Variants in MCM5 observed in about 807,000 individuals in gnomAD.
MCM5 encodes DNA replication licensing factor MCM5.
MCM5 carries 46 observed loss-of-function variants against 79.9 expected under a neutral mutation model. The observed-to-expected ratio is 0.58, with a 90% confidence interval of 0.45 to 0.74. The LOEUF is 0.74. Among genes scored for constraint, MCM5 ranks in the 30% least tolerant of loss-of-function variants. MCM5 has a pLI of 0.00. For synonymous variants in MCM5, 404 were observed against 390.5 expected (o/e 1.03, Z -0.41); for missense variants, 883 against 1,017.0 (o/e 0.87, Z 1.79).
At chr22:35,422,551 A>G (rs1932723716) in intron 15 of MCM5, 1 of 152,404 alleles carries the variant, frequency 6.6e-6, no homozygotes, top group Non-Finnish European at 1.5e-5. Flanking sequence ...TTGCTGTCAC[A>G]TGAGACATTG....
the MCM5 span, among the ~76,000 whole-genome samples, chr22:35,446,085 G>A: frequency 6.6e-6 from 1 of 152,204 alleles, no homozygotes; most frequent in Admixed American, 6.5e-5. Context: ...TTCAGCAAGT[G>A]CTTCTCTGTG....
At chr22:35,425,454 A>T (rs1345670915), downstream of MCM5, 1 of 152,196 alleles carries the variant, frequency 6.6e-6, no homozygotes, top group Non-Finnish European at 1.5e-5. Context: ...TTGTTGAATC[A>T]CAAATGTATT....
intron 10 of MCM5, among the ~76,000 whole-genome samples, 183 bp from the exon 11 acceptor site, chr22:35,416,156 G>C (rs1346162119): frequency 6.6e-6 from 1 of 152,196 alleles, no homozygotes; most frequent in Non-Finnish European, 1.5e-5. Flanking sequence ...TATCTGAAGA[G>C]TGGGGAGAAG....
At chr22:35,439,067 C>CCATCCATCTACCCACATATT in the MCM5 span, among the ~76,000 whole-genome samples, 3 of 149,198 alleles carry the variant, frequency 2.0e-5, no homozygotes, top group African/African-American at 7.4e-5. Context: ...ACATATTCAT[C>CCATCCATCTACCCACATATT]CATCCATCCA....
Position 35,418,721 on chromosome 22 carries a change from A to G in MCM5, c.1703+865A>G, listed in dbSNP as rs1229954492. Among the ~76,000 whole-genome samples the G allele has an allele frequency of 2.6e-5, 4 of 151,686 alleles. No homozygotes were observed. In the East Asian group the frequency reaches 7.7e-4, roughly 29 times the overall value. ...CACACACACACACACTCACTCTTAC[A>G]CACTACTTTCTTTGTGCCAGGCATT... On this transcript the variant is annotated intron_variant, in intron 13 of 16. Transcript: ENST00000216122.
At chr22:35,429,542 C>CT (rs1212636597), downstream of MCM5, among the ~76,000 whole-genome samples, 230 of 147,844 alleles carry the variant, frequency 1.6e-3, 1 homozygote, top group African/African-American at 4.4e-3. Context: ...TTTGTTCTTC[C>CT]TTTTTTTTTT....
At chr22:35,423,152 T>TCTCTGTCCAAG (rs1932736079) in intron 15 of MCM5, 62 bp from the exon 16 acceptor site, 2 of 1,492,956 alleles carry the variant, frequency 1.3e-6, no homozygotes, top group Admixed American at 4.2e-5. Context: ...CTAGAGGCTG[T>TCTCTGTCCAAG]CTCTGTCCAA....
rs1932191791 is a variant in MCM5, at chr22:35,405,689, C to T, written c.424-864C>T. ...GCCTTTGAAGAGTCATTTTTAAAGGCATAGCTACAATAACATCACACTTAA... is the reference window on the plus strand; with the variant it reads ...GCCTTTGAAGAGTCATTTTTAAAGGTATAGCTACAATAACATCACACTTAA... On this transcript the variant is annotated intron_variant, in intron 4 of 16. Transcript: ENST00000216122. Among the ~76,000 whole-genome samples, 3 of 152,070 alleles carry T rather than the reference C, an allele frequency of 2.0e-5. No homozygotes were observed. In the South Asian group the frequency reaches 6.2e-4, roughly 32 times the overall value.
the MCM5 span, among the ~76,000 whole-genome samples, chr22:35,452,141 G>A: frequency 6.6e-6 from 1 of 152,178 alleles, no homozygotes; most frequent in African/African-American, 2.4e-5. Flanking sequence ...TTTACCTGCA[G>A]GGGGCTTGGG....
intron 14 of MCM5, among the ~76,000 whole-genome samples, chr22:35,420,880 C>G (rs1017073172): frequency 1.3e-5 from 2 of 152,110 alleles, no homozygotes; most frequent in Non-Finnish European, 2.9e-5. Flanking sequence ...GTGATCCTAG[C>G]ACTTTGGGAG....
chr22:35,418,659 CAAA>C (rs60538141), intron 13 of MCM5, among the ~76,000 whole-genome samples: 3 of 121,136 alleles, frequency 2.5e-5, no homozygotes, highest in African/African-American at 7.2e-5. Context: ...GACTCTGTCT[CAAA>C]AAAAAAAAAT....
the MCM5 span, among the ~76,000 whole-genome samples, chr22:35,445,734 C>T: frequency 2.0e-5 from 3 of 152,124 alleles, no homozygotes; most frequent in Non-Finnish European, 4.4e-5. Flanking sequence ...TGGTCTTGAT[C>T]TCCTGACCTC....
At chr22:35,401,347 C>T (rs960906307) in intron 2 of MCM5, 11 of 466,928 alleles carry the variant, frequency 2.4e-5, no homozygotes, top group South Asian at 4.7e-5. Flanking sequence ...CACTTCACTT[C>T]GCTCATTCAT....
At chr22:35,438,734 CAT>C in the MCM5 span, among the ~76,000 whole-genome samples, 5 of 116,386 alleles carry the variant, frequency 4.3e-5, no homozygotes, top group Admixed American at 4.2e-4. Flanking sequence ...CATCCATCCA[CAT>C]ATTCATCCAT....
Position 35,415,826 on chromosome 22 carries a change from C to T in MCM5, c.1204-3C>T. 1.2e-6 allele frequency: 2 copies of T among 1,610,902 alleles called. No individual in the cohort carries two copies. The highest frequency in any genetic ancestry group is 1.7e-6 in the Non-Finnish European group (2 of 1,178,240). Reference sequence around the variant, plus strand: ...GGGCCCTGACACCACCCCACTGCCCCAGGTATACACGTCTGGGAAAGGCAG... The same window carrying T: ...GGGCCCTGACACCACCCCACTGCCCTAGGTATACACGTCTGGGAAAGGCAG... On this transcript the variant is annotated splice_region_variant and splice_polypyrimidine_tract_variant and intron_variant, in intron 9 of 16. Transcript: ENST00000216122.
At chr22:35,401,707 A>G (rs1932058375) in intron 2 of MCM5, 1 of 470,706 alleles carries the variant, frequency 2.1e-6, no homozygotes, top group African/African-American at 2.0e-5. Flanking sequence ...CTGCGCTACA[A>G]AGATGAAAAG....
At chr22:35,414,595 GGTGACAGA>G (rs1327671869) in intron 9 of MCM5, among the ~76,000 whole-genome samples, 1 of 151,738 alleles carries the variant, frequency 6.6e-6, no homozygotes, top group East Asian at 1.9e-4. Context: ...CTCCAGCCTG[GGTGACAGA>G]GTGAGACCAT....
intron 4 of MCM5, among the ~76,000 whole-genome samples, chr22:35,405,734 G>A (rs987168983): frequency 1.3e-5 from 2 of 152,128 alleles, no homozygotes; most frequent in African/African-American, 4.8e-5. Flanking sequence ...TTACGGCCGG[G>A]CGCGGTGGCT....
chr22:35,430,027 C>A (rs1932802447), downstream of MCM5, among the ~76,000 whole-genome samples: 1 of 152,238 alleles, frequency 6.6e-6, no homozygotes, highest in Non-Finnish European at 1.5e-5. Context: ...GGAGCCCCTT[C>A]AGCCCTAGGC....
Sources: gnomAD v4.1 joint callset for allele counts (sites outside exome capture counted in the v4.1 genomes callset) on GRCh38, gnomAD v4.1.1 for gene constraint, MANE v1.5 for transcripts, NCBI Gene and HGNC (gene_info 2026-07-23, HGNC 2026-07-21) for gene names.